PUDP: variants seen among roughly 807,000 people sequenced by gnomAD.
The protein encoded by PUDP is pseudouridine-5'-phosphatase.
PUDP carries 8 observed loss-of-function variants against 9.4 expected under a neutral mutation model. The ratio of observed to expected loss-of-function variants is 0.85; its 90% CI spans 0.50 to 1.53. PUDP has a LOEUF of 1.53. Among genes scored for constraint, PUDP ranks in the 40% most tolerant of loss-of-function variants. The pLI is 0.00. For synonymous variants in PUDP, 99 were observed against 80.7 expected (o/e 1.23, Z -1.22); for missense variants, 188 against 189.7 (o/e 0.99, Z 0.05).
At chrX:6,808,983 T>A (rs1191053653) in intron 3 of PUDP, among the ~76,000 whole-genome samples, 1 of 111,771 alleles carries the variant, frequency 8.9e-6, no homozygotes, top group Non-Finnish European at 1.9e-5. Flanking sequence ...GTATGTTGAG[T>A]AGAAAATCTG....
chrX:6,807,226 G>A (rs915318110), intron 3 of PUDP, among the ~76,000 whole-genome samples: 2 of 111,989 alleles, frequency 1.8e-5, no homozygotes, highest in South Asian at 3.8e-4. Context: ...TCCTCACGGA[G>A]GTCACTCCAT....
intron 3 of PUDP, among the ~76,000 whole-genome samples, chrX:6,855,087 C>T (rs998159143): frequency 2.8e-5 from 3 of 107,446 alleles, no homozygotes; most frequent in African/African-American, 1.0e-4. Flanking sequence ...CCTCTGCACC[C>T]CTGTGACAGC....
chrX:6,824,588 C>T (rs62590407), intron 3 of PUDP, among the ~76,000 whole-genome samples: 8,747 of 111,368 alleles, frequency 0.079, 288 homozygotes, highest in African/African-American at 0.12. Flanking sequence ...GGTTGACCAA[C>T]GTAACCTGTT....
At chrX:6,996,610 G>GTATA (rs201384472) in intron 1 of PUDP, among the ~76,000 whole-genome samples, 7 of 103,150 alleles carry the variant, frequency 6.8e-5, no homozygotes, top group African/African-American at 2.5e-4. Context: ...ACATACATAT[G>GTATA]TATATATATA....
At chrX:6,779,034 A>G (rs1925514347) in intron 3 of PUDP, among the ~76,000 whole-genome samples, 1 of 111,734 alleles carries the variant, frequency 8.9e-6, no homozygotes, top group East Asian at 2.8e-4. Flanking sequence ...ATTGAAATAT[A>G]CTAGGTGCGC....
chrX:7,074,217 C>T (rs1301897837), intron 3 of PUDP, among the ~76,000 whole-genome samples: 2 of 112,480 alleles, frequency 1.8e-5, no homozygotes, highest in African/African-American at 6.5e-5. Context: ...AGCTGCCACA[C>T]CCGGCTGCGC....
chrX:6,999,494 T>C (rs1929295848), intron 1 of PUDP, among the ~76,000 whole-genome samples: 1 of 111,997 alleles, frequency 8.9e-6, no homozygotes, highest in Non-Finnish European at 1.9e-5. Context: ...AAAATAGTAA[T>C]GAAAATTGAC....
intron 1 of PUDP, among the ~76,000 whole-genome samples, chrX:7,026,207 T>C (rs1016748298): frequency 1.8e-5 from 2 of 112,084 alleles, no homozygotes; most frequent in South Asian, 3.8e-4. Context: ...GCAACAATCA[T>C]GGCACGGTAG....
intron 3 of PUDP, among the ~76,000 whole-genome samples, chrX:6,751,930 A>C (rs894228091): frequency 9.0e-6 from 1 of 110,540 alleles, no homozygotes; most frequent in Non-Finnish European, 1.9e-5. Context: ...CTCTGTCCTG[A>C]ATCCTCCCTG....
chrX:7,065,149 C>T (rs762812265), intron 3 of PUDP, among the ~76,000 whole-genome samples: 1 of 111,385 alleles, frequency 9.0e-6, no homozygotes, highest in Non-Finnish European at 1.9e-5. Flanking sequence ...GCCCCCCTGC[C>T]CCCAAACCAA....
intron 3 of PUDP, among the ~76,000 whole-genome samples, chrX:6,968,077 G>C (rs1248938979): frequency 1.8e-5 from 2 of 112,200 alleles, no homozygotes; most frequent in African/African-American, 3.2e-5. Flanking sequence ...AAAATGGATA[G>C]TTTCCCCTGT....
At chrX:7,082,370 A>C (rs1224510050) in intron 2 of PUDP, among the ~76,000 whole-genome samples, 2 of 112,579 alleles carry the variant, frequency 1.8e-5, no homozygotes, top group African/African-American at 3.2e-5. Flanking sequence ...TGTTCGTGGC[A>C]TTCTTTTGTT....
chrX:6,807,079 T>C (rs1000279298), intron 3 of PUDP, among the ~76,000 whole-genome samples: 1 of 112,348 alleles, frequency 8.9e-6, no homozygotes, highest in African/African-American at 3.2e-5. Flanking sequence ...TTTTTCTCCT[T>C]CATCAATCTA....
intron 3 of PUDP, among the ~76,000 whole-genome samples, chrX:6,882,426 G>A (rs1310956417): frequency 9.0e-6 from 1 of 111,641 alleles, no homozygotes; most frequent in Admixed American, 9.6e-5. Context: ...ATTAAGAAAT[G>A]TAATGGTTAG....
chrX:6,727,209 G>A (rs1924749289), intron 3 of PUDP, among the ~76,000 whole-genome samples: 1 of 109,643 alleles, frequency 9.1e-6, no homozygotes, highest in Non-Finnish European at 1.9e-5. Context: ...ATGTTCAAGA[G>A]GAAAAAAAGA....
intron 3 of PUDP, among the ~76,000 whole-genome samples, chrX:7,060,871 C>T (rs1449736154): frequency 1.8e-5 from 2 of 112,111 alleles, no homozygotes; most frequent in Non-Finnish European, 3.8e-5. Context: ...TGTGAGGGCA[C>T]CCTCCCTAGG....
At chrX:7,038,122 G>GAT (rs767311031) in intron 1 of PUDP, among the ~76,000 whole-genome samples, 27,008 of 110,666 alleles carry the variant, frequency 0.24, 2,655 homozygotes, top group Admixed American at 0.4. Flanking sequence ...AGAGGATGCA[G>GAT]ATATATATAT....
At chrX:6,962,717 T>C (rs1980079009) in intron 3 of PUDP, among the ~76,000 whole-genome samples, 1 of 112,623 alleles carries the variant, frequency 8.9e-6, no homozygotes, top group Non-Finnish European at 1.9e-5. Context: ...TGGTTTTATA[T>C]GGCTGTTGAT....
chrX:6,865,724 C>A (rs774077131), intron 3 of PUDP, among the ~76,000 whole-genome samples: 2 of 110,701 alleles, frequency 1.8e-5, no homozygotes, highest in African/African-American at 3.3e-5. Flanking sequence ...AAAAGTGGAA[C>A]AAATTTACAC....
Sources: allele counts gnomAD v4.1 joint callset (sites outside exome capture counted in the v4.1 genomes callset), GRCh38; gene constraint gnomAD v4.1.1; transcripts MANE v1.5; gene names NCBI Gene and HGNC (gene_info 2026-07-23, HGNC 2026-07-21).